The following CCBE1 variants were observed in gnomAD, a reference collection of about 807,000 sequenced individuals.
The protein encoded by CCBE1 is collagen and calcium-binding EGF domain-containing protein 1.
In CCBE1, 37 loss-of-function variants were observed where a neutral mutation model predicts 50.0. The ratio of observed to expected loss-of-function variants is 0.74; its 90% CI spans 0.57 to 0.97. CCBE1 has a LOEUF of 0.97. CCBE1 is among the 50% of genes least tolerant of loss of function. The pLI, the probability that CCBE1 is intolerant of heterozygous loss-of-function variation, is 0.00. For missense variants in CCBE1, 538 were observed against 523.8 expected, an observed-to-expected ratio of 1.03 and a Z score of -0.26; for synonymous variants, 234 against 203.7, an observed-to-expected ratio of 1.15 and a Z score of -1.27.
chr18:59,676,699 C>A (rs2054508390), intron 2 of CCBE1, among the ~76,000 whole-genome samples: 3 of 152,138 alleles, frequency 2.0e-5, no homozygotes, highest in African/African-American at 4.8e-5. Flanking sequence ...AAATAAAGTA[C>A]AAGCAATTTT....
intron 2 of CCBE1, among the ~76,000 whole-genome samples, chr18:59,660,074 C>A (rs1011999554): frequency 6.6e-6 from 1 of 152,168 alleles, no homozygotes; most frequent in African/African-American, 2.4e-5. Context: ...GGGCTCAGGA[C>A]CCCTGCATAC....
rs551856805 is a variant in CCBE1 at position 59,615,276 on chromosome 18, T to C, written c.212+81353A>G. 2.4e-4 allele frequency among the ~76,000 whole-genome samples: 37 copies of C among 152,354 alleles called. 1 individual carries two copies. Among genetic ancestry groups the C allele is most frequent in the Admixed American group, 1.8e-3 (27 of 15,314 alleles). ...TCCTACCATCTCTAGGGTCATCTCTTAGGATCTGCAAGGCTGTTCAAAGCT... is the reference window on the plus strand; with the variant it reads ...TCCTACCATCTCTAGGGTCATCTCTCAGGATCTGCAAGGCTGTTCAAAGCT... On this transcript the variant is annotated intron_variant, in intron 2 of 10. Coordinates refer to ENST00000439986, the MANE Select transcript of CCBE1 (RefSeq NM_133459.4).
rs192385655 is a variant in CCBE1 at position 59,515,784 on chromosome 18, A to G, written c.213-35546T>C. 3.3e-5 allele frequency among the ~76,000 whole-genome samples: 5 copies of G among 152,234 alleles called. No homozygotes were observed. In the East Asian group the frequency reaches 7.7e-4, roughly 24 times the overall value. The stretch of plus-strand genomic sequence containing the variant: ...CCTTGGTTCATTTCCTGCCTCTGCC[A>G]CTTTCCAGCTATGACTTCAAGAAGT... On this transcript the variant is annotated intron_variant, in intron 2 of 10. Transcript: ENST00000439986.
chr18:59,515,890 A>G (rs1265773262), intron 2 of CCBE1, among the ~76,000 whole-genome samples: 1 of 152,254 alleles, frequency 6.6e-6, no homozygotes, highest in East Asian at 1.9e-4. Context: ...AGGAGAGGAC[A>G]AAAGGGGTAA....
chr18:59,496,004 G>A (rs549077903), intron 2 of CCBE1, among the ~76,000 whole-genome samples: 2 of 152,276 alleles, frequency 1.3e-5, no homozygotes, highest in East Asian at 3.9e-4. Flanking sequence ...GATAGTGGAA[G>A]CATTGTTTAA....
chr18:59,585,092 C>T (rs719380), intron 2 of CCBE1, among the ~76,000 whole-genome samples: 14,428 of 152,072 alleles, frequency 0.095, 733 homozygotes, highest in East Asian at 0.13. Flanking sequence ...TCACACTGTC[C>T]TGCTTTAGTT....
rs1241795318 is a variant in CCBE1 at position 59,583,694 on chromosome 18, C to T, written c.213-103456G>A. On this transcript the variant is annotated intron_variant, in intron 2 of 10. Transcript: ENST00000439986. ...GTGTGTGTGTGTGCGCGCGCGCGCG[C>T]GCGCGCGTGTGTGTGTATGTCTGCG... Among the ~76,000 whole-genome samples, 51 of 132,048 alleles carry T rather than the reference C, an allele frequency of 3.9e-4. 1 individual carries two copies. Among genetic ancestry groups the T allele is most frequent in the Admixed American group, 2.0e-3 (26 of 12,820 alleles). 86.6% of individuals were successfully genotyped at this position (132,048 alleles called of 152,430 possible). A position where few individuals can be genotyped will look rare whatever the true frequency, so the allele number is the denominator to read the frequency against.
chr18:59,509,339 TAC>T (rs908712253), intron 2 of CCBE1, among the ~76,000 whole-genome samples: 91 of 152,114 alleles, frequency 6.0e-4, no homozygotes, highest in African/African-American at 1.4e-3. Flanking sequence ...TATATATATA[TAC>T]ACACACACAG....
At chr18:59,638,613 A>G (rs1599088722) in intron 2 of CCBE1, among the ~76,000 whole-genome samples, 1 of 152,322 alleles carries the variant, frequency 6.6e-6, no homozygotes, top group East Asian at 1.9e-4. Context: ...AATAAGAAAA[A>G]TATATAAAGC....
At chr18:59,670,517 C>G (rs974601953) in intron 2 of CCBE1, among the ~76,000 whole-genome samples, 1 of 152,116 alleles carries the variant, frequency 6.6e-6, no homozygotes, top group African/African-American at 2.4e-5. Flanking sequence ...TGCGTGTGCC[C>G]AGTAATAGGA....
At position 59,538,381 on chromosome 18, in the gene CCBE1, G is replaced by A. The variant is rs551783210; in HGVS notation, c.213-58143C>T. On this transcript the variant is annotated intron_variant, in intron 2 of 10. Coordinates refer to ENST00000439986, the MANE Select transcript of CCBE1 (RefSeq NM_133459.4). ...TGGAACAGCTGAGCTCCATTAAACA[G>A]TTTTGTATCTATTATTGGGATACTT... Among the ~76,000 whole-genome samples the A allele has an allele frequency of 5.3e-5, 8 of 152,258 alleles. 1 individual carries two copies. In the South Asian group the frequency reaches 1.7e-3, roughly 32 times the overall value.
intron 2 of CCBE1, among the ~76,000 whole-genome samples, chr18:59,487,226 C>G (rs1397810933): frequency 6.6e-6 from 1 of 151,050 alleles, no homozygotes; most frequent in African/African-American, 2.4e-5. Context: ...TTTCATCATT[C>G]CAGCCACACT....
At chr18:59,519,072 A>C (rs143449755) in intron 2 of CCBE1, among the ~76,000 whole-genome samples, 2 of 152,228 alleles carry the variant, frequency 1.3e-5, no homozygotes, top group African/African-American at 4.8e-5. Flanking sequence ...AACTTCATGA[A>C]CTTAAGTCGT....
chr18:59,637,451 C>A (rs2053929440), intron 2 of CCBE1, among the ~76,000 whole-genome samples: 1 of 151,934 alleles, frequency 6.6e-6, no homozygotes, highest in Non-Finnish European at 1.5e-5. Context: ...GTAAAACACA[C>A]CACACACACC....
chr18:59,476,274 T>C (rs1209803292), intron 3 of CCBE1, among the ~76,000 whole-genome samples: 1 of 152,234 alleles, frequency 6.6e-6, no homozygotes, highest in Non-Finnish European at 1.5e-5. Context: ...TTACCTGCTC[T>C]TCTGCTTCTT....
At chr18:59,692,955 AGCACACACAC>A (rs1237824151) in intron 2 of CCBE1, among the ~76,000 whole-genome samples, 1,805 of 143,176 alleles carry the variant, frequency 0.013, 34 homozygotes, top group African/African-American at 0.039. Flanking sequence ...GTCAAGCCAA[AGCACACACAC>A]ACACACACAC....
intron 2 of CCBE1, among the ~76,000 whole-genome samples, chr18:59,622,829 GAA>G (rs372756620): frequency 7.3e-6 from 1 of 137,328 alleles, no homozygotes. Flanking sequence ...AAAGAAAAAA[GAA>G]AAAAAAAAAA....
At chr18:59,543,847 A>AAAAAAAAAAAAAAAAAAAAAAAG (rs1915576051) in intron 2 of CCBE1, among the ~76,000 whole-genome samples, 1 of 78,528 alleles carries the variant, frequency 1.3e-5, no homozygotes, top group East Asian at 4.8e-4. Context: ...AAAAAAAAAA[A>AAAAAAAAAAAAAAAAAAAAAAAG]AAAAAAAAAA....
chr18:59,460,127 A>G (rs1911391718), intron 5 of CCBE1, among the ~76,000 whole-genome samples: 1 of 152,228 alleles, frequency 6.6e-6, no homozygotes, highest in African/African-American at 2.4e-5. Flanking sequence ...ATATTTTCAA[A>G]GAGAAAATCA....
Sources: gnomAD v4.1 joint callset for allele counts (sites outside exome capture counted in the v4.1 genomes callset) on GRCh38, gnomAD v4.1.1 for gene constraint, MANE v1.5 for transcripts, NCBI Gene and HGNC (gene_info 2026-07-23, HGNC 2026-07-21) for gene names.